The following LUZP2 variants were observed in gnomAD, a reference collection of about 807,000 sequenced individuals.
The protein encoded by LUZP2 is leucine zipper protein 2.
Under a neutral mutation model 51.6 loss-of-function variants are expected in LUZP2, and 52 were observed. The observed-to-expected ratio is 1.01, with a 90% confidence interval of 0.81 to 1.27. LUZP2 has a LOEUF of 1.27. Among genes scored for constraint, LUZP2 ranks in the 50% most tolerant of loss-of-function variants. LUZP2 has a pLI of 0.00. For missense variants in LUZP2, 436 were observed against 395.4 expected (o/e 1.10, Z -0.87); for synonymous variants, 154 against 137.3 (o/e 1.12, Z -0.85).
At chr11:24,626,005 C>T (rs1486651319) in intron 1 of LUZP2, among the ~76,000 whole-genome samples, 2 of 152,146 alleles carry the variant, frequency 1.3e-5, no homozygotes, top group African/African-American at 4.8e-5. Context: ...AATATAAGGG[C>T]TGCCACTTAC....
chr11:24,808,943 CTTAGAG>C (rs1001493203), intron 5 of LUZP2, among the ~76,000 whole-genome samples: 38 of 152,074 alleles, frequency 2.5e-4, no homozygotes, highest in African/African-American at 8.9e-4. Context: ...ATTACTCTGG[CTTAGAG>C]TTAAACATTT....
chr11:25,000,450 G>A (rs544065531), intron 9 of LUZP2, among the ~76,000 whole-genome samples: 2 of 152,160 alleles, frequency 1.3e-5, no homozygotes, highest in African/African-American at 4.8e-5. Flanking sequence ...TTGGTCCAGG[G>A]TTCCTTGGTA....
chr11:25,029,112 G>A (rs1050098325), intron 9 of LUZP2, among the ~76,000 whole-genome samples: 10 of 152,094 alleles, frequency 6.6e-5, no homozygotes, highest in African/African-American at 2.4e-4. Flanking sequence ...TGGGTAGGAG[G>A]AGATGGTTAA....
intron 5 of LUZP2, among the ~76,000 whole-genome samples, chr11:24,801,076 C>T (rs1341963800): frequency 6.6e-6 from 1 of 152,040 alleles, no homozygotes. Context: ...TGGAAATTTG[C>T]TAAGATGACC....
chr11:24,566,944 A>T (rs796282187), intron 1 of LUZP2, among the ~76,000 whole-genome samples: 33 of 2,666 alleles, frequency 0.012, no homozygotes, highest in Non-Finnish European at 0.018. Context: ...TATATACATA[A>T]ATATATATAT....
intron 9 of LUZP2, among the ~76,000 whole-genome samples, chr11:25,007,796 G>A (rs1856873575): frequency 1.3e-5 from 2 of 151,980 alleles, no homozygotes; most frequent in African/African-American, 2.4e-5. Flanking sequence ...TGCAAGGTGT[G>A]GACTTAATCA....
intron 9 of LUZP2, among the ~76,000 whole-genome samples, chr11:25,012,612 G>GA (rs941537630): frequency 3.2e-4 from 48 of 151,874 alleles, no homozygotes; most frequent in Non-Finnish European, 5.0e-4. Flanking sequence ...ACTGCATTAT[G>GA]AAAAAAATGC....
intron 5 of LUZP2, among the ~76,000 whole-genome samples, chr11:24,902,755 A>G (rs1017323613): frequency 1.3e-5 from 2 of 152,178 alleles, no homozygotes; most frequent in Non-Finnish European, 2.9e-5. Flanking sequence ...CCTCAGAAAA[A>G]ATATAAAATA....
intron 1 of LUZP2, among the ~76,000 whole-genome samples, chr11:24,573,223 A>G (rs1852498376): frequency 1.3e-5 from 2 of 152,076 alleles, no homozygotes; most frequent in African/African-American, 4.8e-5. Flanking sequence ...GTAAATGCTC[A>G]TTCTTTCACA....
intron 5 of LUZP2, among the ~76,000 whole-genome samples, chr11:24,841,180 A>G (rs573365649): frequency 1.3e-5 from 2 of 152,072 alleles, no homozygotes; most frequent in East Asian, 3.9e-4. Flanking sequence ...TAGGTGGAGT[A>G]GTGAGGGTGA....
At chr11:24,883,027 GAAGA>G (rs1026226355) in intron 5 of LUZP2, among the ~76,000 whole-genome samples, 4 of 151,818 alleles carry the variant, frequency 2.6e-5, no homozygotes, top group African/African-American at 9.7e-5. Flanking sequence ...AAAGAAAAGA[GAAGA>G]AAGAGAAAAT....
At chr11:25,069,584 T>TA (rs1859096230) in intron 10 of LUZP2, among the ~76,000 whole-genome samples, 1 of 151,752 alleles carries the variant, frequency 6.6e-6, no homozygotes. Context: ...TGTGGGTGTA[T>TA]AAACTAATAT....
At chr11:24,804,492 G>A (rs1312522507) in intron 5 of LUZP2, among the ~76,000 whole-genome samples, 1 of 152,046 alleles carries the variant, frequency 6.6e-6, no homozygotes, top group African/African-American at 2.4e-5. Flanking sequence ...AAAAAGAGAG[G>A]TTTGTTTACT....
chr11:25,082,451 C>T lies in LUZP2; in HGVS notation c.*3793C>T, dbSNP rs1446205439. On this transcript the variant is annotated 3_prime_UTR_variant, in exon 12 of 12. Coordinates refer to ENST00000336930, the MANE Select transcript of LUZP2 (RefSeq NM_001009909.4). ...GTACCATAGAGTAGGTTGAACTGGC[C>T]AGACCTAGACAATGAAGAAAACACA... is the stretch of plus-strand genomic sequence containing the variant. The T allele has an allele frequency of 6.6e-6, 1 of 152,428 alleles. No individual in the cohort carries two copies. Among genetic ancestry groups the T allele is most frequent in the Non-Finnish European group, 1.5e-5 (1 of 67,988 alleles). 9.4% of individuals were successfully genotyped at this position (152,428 alleles called of 1,614,324 possible).
chr11:24,835,320 A>G (rs1476457126), intron 5 of LUZP2, among the ~76,000 whole-genome samples: 2 of 152,210 alleles, frequency 1.3e-5, no homozygotes, highest in Non-Finnish European at 2.9e-5. Context: ...AAGATAGATT[A>G]AAGACTTAAA....
intron 1 of LUZP2, among the ~76,000 whole-genome samples, chr11:24,693,922 G>A (rs1205454186): frequency 6.6e-6 from 1 of 151,530 alleles, no homozygotes; most frequent in African/African-American, 2.4e-5. Context: ...CAGATTTGAA[G>A]AAAAAAATTA....
At chr11:25,064,249 G>T (rs901345445) in intron 10 of LUZP2, among the ~76,000 whole-genome samples, 1 of 151,754 alleles carries the variant, frequency 6.6e-6, no homozygotes, top group Non-Finnish European at 1.5e-5. Context: ...ATCTATATTG[G>T]CATTCATATT....
chr11:24,623,910 G>A (rs192733142), intron 1 of LUZP2, among the ~76,000 whole-genome samples: 1 of 152,234 alleles, frequency 6.6e-6, no homozygotes, highest in African/African-American at 2.4e-5. Flanking sequence ...AACATTTGCT[G>A]TCTTACATTC....
chr11:24,866,446 G>C (rs1851898659), intron 5 of LUZP2, among the ~76,000 whole-genome samples: 1 of 152,078 alleles, frequency 6.6e-6, no homozygotes, highest in African/African-American at 2.4e-5. Context: ...ATTTTCTAAG[G>C]GGAAACTGCT....
Sources: allele counts gnomAD v4.1 joint callset (sites outside exome capture counted in the v4.1 genomes callset), GRCh38; gene constraint gnomAD v4.1.1; transcripts MANE v1.5; gene names NCBI Gene and HGNC (gene_info 2026-07-23, HGNC 2026-07-21).